Variants in PTPRO observed in about 807,000 individuals in gnomAD.
The protein encoded by PTPRO is protein tyrosine phosphatase receptor type O.
In PTPRO, 62 loss-of-function variants were observed where a neutral mutation model predicts 145.2. The observed-to-expected ratio is 0.43, with a 90% CI of 0.35 to 0.53. The LOEUF (loss-of-function observed/expected upper bound fraction) is 0.53, where lower values mean the gene tolerates loss of function less well. PTPRO is among the 20% of genes least tolerant of loss of function. The probability of loss-of-function intolerance (pLI) is 0.01; values close to 1 mark genes in which losing one functional copy is unlikely to be tolerated. For synonymous variants in PTPRO, 565 were observed against 514.7 expected, an observed-to-expected ratio of 1.10 and a Z score of -1.32; for missense variants, 1,345 against 1,482.7, an observed-to-expected ratio of 0.91 and a Z score of 1.53.
chr12:15,374,393 G>T (rs1237709918), intron 1 of PTPRO, among the ~76,000 whole-genome samples: 4 of 147,756 alleles, frequency 2.7e-5, no homozygotes, highest in African/African-American at 1.1e-4. Flanking sequence ...GTAACAATTT[G>T]AGGAGTGTTT....
At chr12:15,548,693 C>T (rs1442088788) in intron 13 of PTPRO, among the ~76,000 whole-genome samples, 9 of 152,076 alleles carry the variant, frequency 5.9e-5, no homozygotes, top group East Asian at 1.9e-4. Context: ...GTCCTTTCAA[C>T]GGATTTCTGT....
At chr12:15,540,775 T>C (rs1194305142) in intron 12 of PTPRO, among the ~76,000 whole-genome samples, 1 of 152,230 alleles carries the variant, frequency 6.6e-6, no homozygotes, top group East Asian at 1.9e-4. Context: ...TCCCCAGAGA[T>C]CCTAGGCAAC....
chr12:15,367,069 A>C (rs10161193), intron 1 of PTPRO, among the ~76,000 whole-genome samples: 2 of 152,132 alleles, frequency 1.3e-5, no homozygotes, highest in Non-Finnish European at 2.9e-5. Flanking sequence ...CATTTATTAA[A>C]GTATAGTACA....
intron 1 of PTPRO, among the ~76,000 whole-genome samples, chr12:15,441,933 G>A (rs559435933): frequency 6.6e-6 from 1 of 152,004 alleles, no homozygotes; most frequent in African/African-American, 2.4e-5. Context: ...TGTACAAAAA[G>A]CTGGTACCAA....
In PTPRO at chr12:15,323,036, CG is replaced by C. The variant is rs139244830; in HGVS notation, c.75+236del. Among the ~76,000 whole-genome samples the C allele has an allele frequency of 8.1e-3, 1,239 of 152,358 alleles. 9 individuals are homozygous for C. The highest frequency in any genetic ancestry group is 0.013 in the Non-Finnish European group (858 of 68,032). ...AGGGAAGTTTGCTCCCTCCGGCTTT[CG>C]CCCTTTGTGCTCTTTTATCGCTGCT... On this transcript the variant is annotated intron_variant, in intron 1 of 26. Coordinates refer to ENST00000281171, the MANE Select transcript of PTPRO (RefSeq NM_030667.3).
intron 1 of PTPRO, among the ~76,000 whole-genome samples, chr12:15,454,271 A>T (rs1354467434): frequency 6.6e-6 from 1 of 152,174 alleles, no homozygotes; most frequent in Non-Finnish European, 1.5e-5. Context: ...TTGTGCAATG[A>T]TAAGTCACTG....
At chr12:15,582,664 G>A (rs1944346388) in intron 23 of PTPRO, among the ~76,000 whole-genome samples, 1 of 152,098 alleles carries the variant, frequency 6.6e-6, no homozygotes, top group Admixed American at 6.5e-5. Context: ...GCACACTTAT[G>A]TTTTAAATTA....
rs1184610768 is a variant in PTPRO, at chr12:15,415,465, A to G, written c.76-68509A>G. On this transcript the variant is annotated intron_variant, in intron 1 of 26. Transcript: ENST00000281171. ...AGTGGTGCAGTCTTGGCTCACTGCA[A>G]GCTCCGCCTCCCAGGTTCACGCCAT... Among the ~76,000 whole-genome samples, 4 of 151,646 alleles carry G rather than the reference A, an allele frequency of 2.6e-5. No individual in the cohort carries two copies. In the East Asian group the frequency reaches 5.8e-4, roughly 22 times the overall value.
At chr12:15,440,949 G>T (rs941227598) in intron 1 of PTPRO, among the ~76,000 whole-genome samples, 1 of 152,116 alleles carries the variant, frequency 6.6e-6, no homozygotes, top group African/African-American at 2.4e-5. Context: ...GCAGTAGACA[G>T]GTCATGAAGG....
chr12:15,354,383 T>A (rs1937917185), intron 1 of PTPRO, among the ~76,000 whole-genome samples: 1 of 152,148 alleles, frequency 6.6e-6, no homozygotes, highest in Admixed American at 6.5e-5. Context: ...TCACAGGGGG[T>A]CTTTTCAAAT....
intron 1 of PTPRO, among the ~76,000 whole-genome samples, chr12:15,428,977 C>G (rs1448694284): frequency 6.6e-6 from 1 of 152,174 alleles, no homozygotes. Context: ...ATAACCATAT[C>G]TAGCTACAAG....
At chr12:15,563,386 C>T (rs1943823424) in intron 17 of PTPRO, among the ~76,000 whole-genome samples, 3 of 152,006 alleles carry the variant, frequency 2.0e-5, no homozygotes, top group Admixed American at 2.0e-4. Flanking sequence ...CGTGAATTTT[C>T]CCCTGGTTTT....
intron 12 of PTPRO, among the ~76,000 whole-genome samples, chr12:15,527,875 A>ACCCCCCCCCCCCCCCCCCCCC (rs1555173370): frequency 6.5e-5 from 9 of 137,750 alleles, no homozygotes; most frequent in African/African-American, 1.1e-4. Flanking sequence ...GGGAACTGTG[A>ACCCCCCCCCCCCCCCCCCCCC]CCCGCCCACG....
intron 9 of PTPRO, 46 bp downstream of exon 9, chr12:15,517,002 C>A (rs1430178806): frequency 6.6e-7 from 1 of 1,506,646 alleles, no homozygotes; most frequent in Non-Finnish European, 9.2e-7. Flanking sequence ...TGGGAACAGG[C>A]AAACCTTTAT....
At chr12:15,333,177 A>G (rs1257409052) in intron 1 of PTPRO, among the ~76,000 whole-genome samples, 1 of 152,208 alleles carries the variant, frequency 6.6e-6, no homozygotes, top group Admixed American at 6.5e-5. Context: ...CATTCTATAC[A>G]TGCAGATTTT....
At position 15,327,240 on chromosome 12, in the gene PTPRO, C is replaced by T. The variant is rs185034461; in HGVS notation, c.75+4439C>T. Among the ~76,000 whole-genome samples the T allele has an allele frequency of 1.6e-3, 238 of 152,192 alleles. 2 individuals carry two copies. The highest frequency in any genetic ancestry group is 5.6e-3 in the African/African-American group (232 of 41,522). ...ATAAATTAAAATATCAGTTATTTTT[C>T]CCAGAAATGTAATATTCTCAGTTGC... On this transcript the variant is annotated intron_variant, in intron 1 of 26. Coordinates refer to ENST00000281171, the MANE Select transcript of PTPRO (RefSeq NM_030667.3).
chr12:15,539,428 CAGA>C (rs944365601), intron 12 of PTPRO, among the ~76,000 whole-genome samples: 1 of 152,024 alleles, frequency 6.6e-6, no homozygotes, highest in African/African-American at 2.4e-5. Flanking sequence ...TAGTGATTCA[CAGA>C]AGAAGATATT....
intron 1 of PTPRO, among the ~76,000 whole-genome samples, chr12:15,455,075 AT>A (rs1193993027): frequency 2.0e-5 from 3 of 152,036 alleles, no homozygotes; most frequent in Non-Finnish European, 4.4e-5. Flanking sequence ...TTCCATATTA[AT>A]TTTAGAATTA....
chr12:15,556,376 G>A (rs562513430), intron 15 of PTPRO, among the ~76,000 whole-genome samples: 61 of 152,158 alleles, frequency 4.0e-4, no homozygotes, highest in African/African-American at 1.4e-3. Flanking sequence ...CTTCAGTTCT[G>A]AGTATTAAAT....
Sources: gnomAD v4.1 joint callset for allele counts (sites outside exome capture counted in the v4.1 genomes callset) on GRCh38, gnomAD v4.1.1 for gene constraint, MANE v1.5 for transcripts, NCBI Gene and HGNC (gene_info 2026-07-23, HGNC 2026-07-21) for gene names.